The following TMEM132C variants were observed in gnomAD, a reference collection of about 807,000 sequenced individuals.
TMEM132C encodes the protein transmembrane protein 132C.
A neutral mutation model predicts 61.4 loss-of-function variants in TMEM132C; 29 were observed. The observed-to-expected ratio is 0.47, with a 90% CI of 0.35 to 0.64. The LOEUF (loss-of-function observed/expected upper bound fraction) is 0.64. Ranked by LOEUF, TMEM132C falls within the 30% of genes least tolerant of loss-of-function variation. The pLI, the probability that TMEM132C is intolerant of heterozygous loss-of-function variation, is 0.00. For missense variants in TMEM132C, 1,408 were observed against 1,476.9 expected (o/e 0.95, Z 0.76); for synonymous variants, 656 against 633.1 (o/e 1.04, Z -0.54).
At position 128,686,369 on chromosome 12, in the gene TMEM132C, A is replaced by G. The variant is rs367882158; in HGVS notation, c.1450-7460A>G. Among the ~76,000 whole-genome samples the G allele has an allele frequency of 9.2e-5, 14 of 152,324 alleles. 2 individuals are homozygous for G. Among genetic ancestry groups the G allele is most frequent in the Admixed American group, 3.9e-4 (6 of 15,306 alleles). On this transcript the variant is annotated intron_variant, in intron 5 of 8. Coordinates refer to ENST00000435159, the MANE Select transcript of TMEM132C (RefSeq NM_001136103.3). Reference sequence around the variant, plus strand: ...AGATTTGGGAGGCAAAGGAGGGAGAATTGCTTAAGCCCATTAGTTGGACCA... The same window carrying G: ...AGATTTGGGAGGCAAAGGAGGGAGAGTTGCTTAAGCCCATTAGTTGGACCA...
chr12:128,553,450 G>A (rs1055051971), intron 3 of TMEM132C, among the ~76,000 whole-genome samples: 2 of 151,930 alleles, frequency 1.3e-5, no homozygotes, highest in Non-Finnish European at 2.9e-5. Flanking sequence ...AGAGTATATC[G>A]AAGTATTTTT....
chr12:128,516,024 C>T (rs1381914794), intron 2 of TMEM132C, among the ~76,000 whole-genome samples: 1 of 152,140 alleles, frequency 6.6e-6, no homozygotes, highest in African/African-American at 2.4e-5. Context: ...GTTTGAGGTC[C>T]TTGTACTTAG....
At chr12:128,335,311 CATCTT>C (rs1291732437) in intron 1 of TMEM132C, among the ~76,000 whole-genome samples, 4 of 151,738 alleles carry the variant, frequency 2.6e-5, no homozygotes, top group Non-Finnish European at 4.4e-5. Context: ...AAAGCATCCT[CATCTT>C]ATCAACCTCG....
At chr12:128,338,590 T>C (rs952351719) in intron 1 of TMEM132C, among the ~76,000 whole-genome samples, 1 of 151,946 alleles carries the variant, frequency 6.6e-6, no homozygotes, top group Non-Finnish European at 1.5e-5. Flanking sequence ...TCACTGTTGC[T>C]GAATAGACGG....
chr12:128,440,409 G>T (rs563087336), intron 2 of TMEM132C, among the ~76,000 whole-genome samples: 2 of 152,178 alleles, frequency 1.3e-5, no homozygotes, highest in African/African-American at 2.4e-5. Flanking sequence ...CAGAGCCAGG[G>T]TTAGGACCCA....
At chr12:128,321,427 G>T (rs1211144030) in intron 1 of TMEM132C, among the ~76,000 whole-genome samples, 2 of 152,122 alleles carry the variant, frequency 1.3e-5, no homozygotes, top group Non-Finnish European at 2.9e-5. Context: ...TTTTTGAAAA[G>T]ACAAAATGTC....
chr12:128,408,752 T>C (rs532537126), intron 1 of TMEM132C, among the ~76,000 whole-genome samples: 5 of 152,316 alleles, frequency 3.3e-5, no homozygotes, highest in Non-Finnish European at 7.3e-5. Context: ...TTGTTGCTGG[T>C]GACCCCAGAA....
At chr12:128,656,939 G>A (rs7310364) in intron 4 of TMEM132C, among the ~76,000 whole-genome samples, 40,002 of 151,920 alleles carry the variant, frequency 0.26, 5,861 homozygotes, top group South Asian at 0.33. Flanking sequence ...CCTTTTGGGG[G>A]CTACCTCTGG....
At chr12:128,343,803 C>T (rs1383367162) in intron 1 of TMEM132C, among the ~76,000 whole-genome samples, 1 of 152,162 alleles carries the variant, frequency 6.6e-6, no homozygotes, top group Non-Finnish European at 1.5e-5. Context: ...CAATTTCTGT[C>T]TCTATGGATT....
At chr12:128,271,267 TATAATAATAATAATAATAATAATA>T (rs72149112) in intron 1 of TMEM132C, among the ~76,000 whole-genome samples, 6 of 143,032 alleles carry the variant, frequency 4.2e-5, no homozygotes, top group African/African-American at 1.0e-4. Flanking sequence ...ATAATAATAA[TATAATAATAATAATAATAATAATA>T]ATAATAATAA....
intron 1 of TMEM132C, among the ~76,000 whole-genome samples, chr12:128,327,020 C>A (rs188126460): frequency 6.7e-6 from 1 of 149,836 alleles, no homozygotes; most frequent in East Asian, 1.9e-4. Flanking sequence ...TATCCCCAAC[C>A]TTTTTGTCTG....
intron 1 of TMEM132C, among the ~76,000 whole-genome samples, chr12:128,275,706 A>G (rs768310278): frequency 5.3e-5 from 8 of 152,220 alleles, no homozygotes; most frequent in South Asian, 2.1e-4. Flanking sequence ...GATAATATCT[A>G]TTTTATAGGA....
intron 1 of TMEM132C, among the ~76,000 whole-genome samples, chr12:128,316,795 C>G (rs1031452382): frequency 1.3e-5 from 2 of 152,094 alleles, no homozygotes; most frequent in Non-Finnish European, 2.9e-5. Flanking sequence ...ACCACAGGTA[C>G]AGAATTGGCT....
chr12:128,539,323 C>T (rs539358021), intron 2 of TMEM132C, among the ~76,000 whole-genome samples: 77 of 152,246 alleles, frequency 5.1e-4, no homozygotes, highest in African/African-American at 1.7e-3. Context: ...GACCTTAGCA[C>T]ACACATGTGT....
At chr12:128,424,022 G>A (rs75210871) in intron 2 of TMEM132C, among the ~76,000 whole-genome samples, 17,423 of 145,574 alleles carry the variant, frequency 0.12, 1,126 homozygotes, top group Middle Eastern at 0.17. Context: ...ACTCCAGCCT[G>A]GGCAACAGAG....
At chr12:128,502,171 C>A (rs1221815502) in intron 2 of TMEM132C, among the ~76,000 whole-genome samples, 1 of 152,240 alleles carries the variant, frequency 6.6e-6, no homozygotes, top group African/African-American at 2.4e-5. Context: ...ACCATGGGTC[C>A]ACCCAAGTCA....
At chr12:128,503,450 A>G (rs933473049) in intron 2 of TMEM132C, among the ~76,000 whole-genome samples, 2 of 152,164 alleles carry the variant, frequency 1.3e-5, no homozygotes, top group African/African-American at 2.4e-5. Context: ...TGGACCCCTA[A>G]TGTAAGTCTT....
chr12:128,593,303 C>T (rs924210442), intron 3 of TMEM132C, among the ~76,000 whole-genome samples: 1 of 151,950 alleles, frequency 6.6e-6, no homozygotes, highest in Non-Finnish European at 1.5e-5. Context: ...TTTTCCCTCT[C>T]TCTCTCCTCC....
chr12:128,645,636 C>A (rs1331212691), intron 4 of TMEM132C, among the ~76,000 whole-genome samples: 1 of 152,240 alleles, frequency 6.6e-6, no homozygotes, highest in African/African-American at 2.4e-5. Context: ...GCTAGCTCAT[C>A]CCTCTCTTGG....
Sources: gnomAD v4.1 joint callset for allele counts (sites outside exome capture counted in the v4.1 genomes callset) on GRCh38, gnomAD v4.1.1 for gene constraint, MANE v1.5 for transcripts, NCBI Gene and HGNC (gene_info 2026-07-23, HGNC 2026-07-21) for gene names.